ZSWIM8: variants seen among roughly 807,000 people sequenced by gnomAD.
ZSWIM8 encodes the protein zinc finger SWIM-type containing 8.
In ZSWIM8, 27 loss-of-function variants were observed where a neutral mutation model predicts 173.7. That is an observed-to-expected ratio of 0.16 (90% CI 0.11 to 0.21). The LOEUF (loss-of-function observed/expected upper bound fraction) is 0.21. Ranked by LOEUF, ZSWIM8 falls within the 10% of genes least tolerant of loss-of-function variation. The pLI is 1.00. For synonymous variants in ZSWIM8, 958 were observed against 962.0 expected (o/e 1.00, Z 0.08); for missense variants, 1,627 against 2,428.8 (o/e 0.67, Z 6.94).
rs996181410 is a variant in ZSWIM8 at position 73,791,783 on chromosome 10, T to G, written c.1320-76T>G. ...CCTGTATCCTTTCCCCATGCCTCTC[T>G]TTGGGGTGTACACCTACTCCATGCC... On this transcript the variant is annotated intron_variant, in intron 9 of 25. Transcript: ENST00000604729. This position sits in a 1 kb window ranked among gnomAD's most constrained non-coding sequence, Gnocchi z 6.0. 1 of 1,441,404 alleles carries G rather than the reference T, an allele frequency of 6.9e-7. No homozygotes were observed. Among genetic ancestry groups the G allele is most frequent in the Admixed American group, 2.8e-5 (1 of 35,926 alleles). The allele number at this position is 1,441,404 out of a possible 1,614,324, so 89.3% of individuals were successfully genotyped here. A position where few individuals can be genotyped will look rare whatever the true frequency, so the allele number is the denominator to read the frequency against.
Position 73,789,421 on chromosome 10 carries a change from C to A in ZSWIM8, c.512C>A (p.Ala171Asp), listed in dbSNP as rs766179133. 20 of 1,592,274 alleles carry A rather than the reference C, an allele frequency of 1.3e-5. No homozygotes were observed. Among genetic ancestry groups the A allele is most frequent in the Non-Finnish European group, 1.7e-5 (20 of 1,169,324 alleles). ...CCTCAGATGGTCCCTCCTAAAGGGGCCTACAACGTGGCTGTGATGTTTGAC... is the reference window on the plus strand; with the variant it reads ...CCTCAGATGGTCCCTCCTAAAGGGGACTACAACGTGGCTGTGATGTTTGAC... ...VPPQMVPPKG[A>D]YNVAVMFDRC... The change falls in exon 4 of 26, where the codon GCC (alanine) becomes GAC (aspartate). Residue 171 changes from alanine to aspartate, a missense_variant. Coordinates refer to ENST00000604729, the MANE Select transcript of ZSWIM8 (RefSeq NM_001367799.1). This position sits in a 1 kb window ranked among gnomAD's most constrained non-coding sequence, Gnocchi z 6.8.
chr10:73,792,390 C>T lies in ZSWIM8; in HGVS notation c.1851C>T (p.Asp617=). ...GCGAAGACAGCTCCCTGGAGCCAGA[C>T]CTGGCCGAGATGAGCCTGGATGACA... ...LSSEDSSLEP[D]LAEMSLDDSS... Residue 617 remains aspartate (D), a synonymous_variant, in exon 10 of 26, where the codon GAC becomes GAT. Coordinates refer to ENST00000604729, the MANE Select transcript of ZSWIM8 (RefSeq NM_001367799.1). The surrounding 1 kb of genome is among the most constrained non-coding windows in gnomAD (Gnocchi z 4.3). 1 of 1,606,020 alleles carries T rather than the reference C, an allele frequency of 6.2e-7. No individual in the cohort carries two copies. The highest frequency in any genetic ancestry group is 1.1e-5 in the South Asian group (1 of 90,084).
At chr10:73,794,102 C>G (rs1277039264) in intron 12 of ZSWIM8, 45 bp from the exon 13 acceptor site, 1 of 1,611,768 alleles carries the variant, frequency 6.2e-7, no homozygotes, top group East Asian at 2.2e-5. Flanking sequence ...GCACCTTGAT[C>G]TCTATTGACA....
At position 73,801,237 on chromosome 10, in the gene ZSWIM8, G is replaced by C. The variant is rs1404357541; in HGVS notation, c.5301+42G>C. 6.2e-6 allele frequency: 10 copies of C among 1,602,218 alleles called. No individual in the cohort carries two copies. The highest frequency in any genetic ancestry group is 8.5e-6 in the Non-Finnish European group (10 of 1,172,716). ...ATGGAGCAGGGTGGAGCACTTCCTG[G>C]GTGGTCTTGGACCAGAGGGAGGCAG... On this transcript the variant is annotated intron_variant, in intron 25 of 25. Transcript: ENST00000604729. This position sits in a 1 kb window ranked among gnomAD's most constrained non-coding sequence, Gnocchi z 4.9.
rs1231503702 is a variant in ZSWIM8, at chr10:73,796,812, T to C, written c.3072T>C (p.His1024=). 6.2e-7 allele frequency: 1 copy of C among 1,613,874 alleles called. No homozygotes were observed. Among genetic ancestry groups the C allele is most frequent in the Admixed American group, 1.7e-5 (1 of 60,012 alleles). ...TCTTGGACCGAGAGAGCCAGACACA[T>C]AAGCCACAGACGCTGAGTTCTTTCT... ...DKLLDRESQT[H]KPQTLSSFYS... The change falls in exon 16 of 26, where the codon CAT becomes CAC. Residue 1024 remains histidine, a synonymous_variant. Transcript: ENST00000604729.
chr10:73,801,072 G>A lies in ZSWIM8; in HGVS notation c.5178G>A (p.Pro1726=), dbSNP rs761905970. 1.5e-5 allele frequency: 23 copies of A among 1,564,334 alleles called. No individual in the cohort carries two copies. The highest frequency in any genetic ancestry group is 3.8e-5 in the Admixed American group (2 of 52,646). ...GGGCAGCCAAGGGGGTGCTGAGCCC[G>A]TTTGTGCTGCAGGAGATCGTCATGG... is the stretch of plus-strand genomic sequence containing the variant. ...CVGAAKGVLS[P]FVLQEIVMET... is the part of the protein sequence containing the mutation. Residue 1726 remains proline (P), a synonymous_variant, in exon 25 of 26, where the codon CCG becomes CCA. Transcript: ENST00000604729. The surrounding 1 kb of genome is among the most constrained non-coding windows in gnomAD (Gnocchi z 4.9).
rs754459949 is a variant in ZSWIM8, at chr10:73,786,071, G to A, written c.193G>A (p.Gly65Ser). 6.3e-7 allele frequency: 1 copy of A among 1,581,206 alleles called. No individual in the cohort carries two copies. The highest frequency in any genetic ancestry group is 2.4e-5 in the East Asian group (1 of 41,698). Residue 65 changes from glycine to serine, a missense_variant, in exon 1 of 26, where the codon GGT becomes AGT. Gly to Ser is a moderately conservative substitution (Grantham distance 56). Coordinates refer to ENST00000604729, the MANE Select transcript of ZSWIM8 (RefSeq NM_001367799.1). Reference sequence around the variant, plus strand: ...CGGCGGTGGCGGAGGTGGCAGTGGCGGTACCAGAATGCGAGGTGAGAGTGA... The same window carrying A: ...CGGCGGTGGCGGAGGTGGCAGTGGCAGTACCAGAATGCGAGGTGAGAGTGA... ...TGGGGGGGSG[G>S]TRMRDGLVIP...
chr10:73,793,608 G>C lies in ZSWIM8; in HGVS notation c.2334G>C (p.Glu778Asp). 6.2e-7 allele frequency: 1 copy of C among 1,604,822 alleles called. No individual in the cohort carries two copies. Among genetic ancestry groups the C allele is most frequent in the Non-Finnish European group, 8.5e-7 (1 of 1,175,334 alleles). Residue 778 changes from glutamate (E) to aspartate (D), a missense_variant, in exon 11 of 26, where the codon GAG becomes GAC. This residue lies in a region of ZSWIM8 where 383 missense variants were observed against 394.8 expected (regional missense o/e 0.97). Coordinates refer to ENST00000604729, the MANE Select transcript of ZSWIM8 (RefSeq NM_001367799.1). Reference sequence around the variant, plus strand: ...TCCAGGTACTGTTTGCCTGTGCTGAGGCCCTGCATGCGCATGGCTATAGCA... The same window carrying C: ...TCCAGGTACTGTTTGCCTGTGCTGACGCCCTGCATGCGCATGGCTATAGCA... Reference protein sequence around the residue: ...SRMEVLFACAEALHAHGYSSE... With the variant: ...SRMEVLFACADALHAHGYSSE...
chr10:73,799,184 A>G lies in ZSWIM8; in HGVS notation c.4359A>G (p.Ala1453=). The G allele has an allele frequency of 6.2e-7, 1 of 1,611,188 alleles. No homozygotes were observed. ...GCTGTAGTGCCAGTGGGATCAGGGC[A>G]GGTGGGGAAGCTGGGCGGGGTATGC... The part of the protein sequence containing the change: ...ATSCSASGIR[A]GGEAGRGMPE... Residue 1453 remains alanine (A), a synonymous_variant, in exon 21 of 26, where the codon GCA becomes GCG. Coordinates refer to ENST00000604729, the MANE Select transcript of ZSWIM8 (RefSeq NM_001367799.1).
chr10:73,790,869 A>C (rs992986371), intron 7 of ZSWIM8, 106 bp from the exon 8 acceptor site: 1 of 1,137,790 alleles, frequency 8.8e-7, no homozygotes, highest in African/African-American at 1.6e-5. Flanking sequence ...ATTTTGTTAC[A>C]GATGTCTTTT....
chr10:73,792,569 A>G lies in ZSWIM8; in HGVS notation c.2030A>G (p.Glu677Gly), dbSNP rs2083456573. 1 of 1,613,928 alleles carries G rather than the reference A, an allele frequency of 6.2e-7. No homozygotes were observed. Among genetic ancestry groups the G allele is most frequent in the South Asian group, 1.1e-5 (1 of 91,088 alleles). Residue 677 changes from glutamate (E) to glycine (G), a missense_variant, in exon 10 of 26, where the codon GAA becomes GGA. Physicochemically the swap from Glu to Gly is moderately conservative, Grantham distance 98. This residue lies in a region of ZSWIM8 where 383 missense variants were observed against 394.8 expected (regional missense o/e 0.97). Transcript: ENST00000604729. The surrounding 1 kb of genome is among the most constrained non-coding windows in gnomAD (Gnocchi z 4.3). ...GAAGATGGTGGTGTGTACTTCTCGG[A>G]AGGGCCTGAGCCTCCCACAGCCTCT... Reference protein sequence around the residue: ...YEEDGGVYFSEGPEPPTASVG... With the variant: ...YEEDGGVYFSGGPEPPTASVG...
In ZSWIM8 at chr10:73,800,792, C is replaced by CA; in HGVS notation, c.5122+33_5122+34insA. 1 of 1,488,730 alleles carries CA rather than the reference C, an allele frequency of 6.7e-7. No homozygotes were observed. The highest frequency in any genetic ancestry group is 9.1e-7 in the Non-Finnish European group (1 of 1,093,406). 92.2% of individuals were successfully genotyped at this position (1,488,730 alleles called of 1,614,324 possible). A position where few individuals can be genotyped will look rare whatever the true frequency, so the allele number is the denominator to read the frequency against. The stretch of plus-strand genomic sequence containing the variant: ...CTCCCCTCCCTAGGACCATTGCCCC[C>CA]CCCCCACCTGCTCTCCCCACCTTCC... On this transcript the variant is annotated intron_variant, in intron 24 of 25. Transcript: ENST00000604729. The surrounding 1 kb of genome is among the most constrained non-coding windows in gnomAD (Gnocchi z 4.1).
Position 73,796,484 on chromosome 10 carries a change from G to A in ZSWIM8, c.3034-290G>A, listed in dbSNP as rs1206855776. On this transcript the variant is annotated intron_variant, in intron 15 of 25. Coordinates refer to ENST00000604729, the MANE Select transcript of ZSWIM8 (RefSeq NM_001367799.1). ...TTATAGGAGTGCTTGGGCATGGGGT[G>A]GAAGAAGAGAAGCAGAGGGCATAAA... 3 of 472,412 alleles carry A rather than the reference G, an allele frequency of 6.4e-6. No individual in the cohort carries two copies. In the Admixed American group the frequency reaches 1.0e-4, roughly 16 times the overall value. The allele number at this position is 472,412 out of a possible 1,614,324, so 29.3% of individuals were successfully genotyped here. A position where few individuals can be genotyped will look rare whatever the true frequency, so the allele number is the denominator to read the frequency against.
intron 1 of ZSWIM8, chr10:73,786,321 T>G (rs2083218374): frequency 2.1e-6 from 1 of 467,370 alleles, no homozygotes; most frequent in South Asian, 4.3e-5. Context: ...CACCTGTGTG[T>G]GTGTGGGTGT....
chr10:73,796,366 A>G, intron 15 of ZSWIM8: 1 of 424,532 alleles, frequency 2.4e-6, no homozygotes, highest in Non-Finnish European at 4.6e-6. Flanking sequence ...AAAAAGAAGA[A>G]GAAGAAAAAA....
At chr10:73,787,775 C>T (rs893577702) in intron 1 of ZSWIM8, among the ~76,000 whole-genome samples, 1 of 152,062 alleles carries the variant, frequency 6.6e-6, no homozygotes, top group Non-Finnish European at 1.5e-5. Flanking sequence ...TAAGTTTGAA[C>T]CCAGGAGGGA....
chr10:73,792,499 C>T lies in ZSWIM8; in HGVS notation c.1960C>T (p.Arg654Ter), dbSNP rs1477482061. 1.2e-6 allele frequency: 2 copies of T among 1,613,262 alleles called. No individual in the cohort carries two copies. Among genetic ancestry groups the T allele is most frequent in the Admixed American group, 1.7e-5 (1 of 59,906 alleles). ...ACCCTGTCCTCTCCACGGTGGCTCC[C>T]GAGGCCCTTCCACTTTCCTTCCTGA... is the stretch of plus-strand genomic sequence containing the variant. ...PPPCPLHGGS[R>*]GPSTFLPEPP... Residue 654 changes from arginine to a stop codon, truncating the protein, a stop_gained, in exon 10 of 26, where the codon CGA becomes TGA. Coordinates refer to ENST00000604729, the MANE Select transcript of ZSWIM8 (RefSeq NM_001367799.1). LOFTEE classifies it high-confidence loss of function. This position sits in a 1 kb window ranked among gnomAD's most constrained non-coding sequence, Gnocchi z 4.3.
chr10:73,788,080 G>A (rs1347811959), intron 1 of ZSWIM8, among the ~76,000 whole-genome samples: 2 of 152,132 alleles, frequency 1.3e-5, no homozygotes, highest in Admixed American at 6.5e-5. Context: ...GGTGCCCTGC[G>A]ATAACTCTCT....
In ZSWIM8 at chr10:73,801,373, G is replaced by A. The variant is rs1192537467; in HGVS notation, c.5359G>A (p.Ala1787Thr). ...TGCGGACTACGACGACTTTGTGAAT[G>A]CGATCCGGAGTGCCCGCAGCGCCTT... is the stretch of plus-strand genomic sequence containing the variant. ...TPADYDDFVN[A>T]IRSARSAFCL... Residue 1787 changes from alanine (A) to threonine (T), a missense_variant, in exon 26 of 26, where the codon GCG (alanine) becomes ACG (threonine). Coordinates refer to ENST00000604729, the MANE Select transcript of ZSWIM8 (RefSeq NM_001367799.1). The surrounding 1 kb of genome is among the most constrained non-coding windows in gnomAD (Gnocchi z 4.9). 1 of 1,613,968 alleles carries A rather than the reference G, an allele frequency of 6.2e-7. No individual in the cohort carries two copies. The highest frequency in any genetic ancestry group is 1.7e-5 in the Admixed American group (1 of 60,010).
Sources: gnomAD v4.1 joint callset for allele counts (sites outside exome capture counted in the v4.1 genomes callset) on GRCh38, gnomAD v4.1.1 for gene constraint, gnomAD v4.1.1 regional missense constraint, Gnocchi (gnomAD v3.1) non-coding constraint, MANE v1.5 for transcripts, NCBI Gene and HGNC (gene_info 2026-07-23, HGNC 2026-07-21) for gene names.